LSM1: variants seen among roughly 807,000 people sequenced by gnomAD.
LSM1 encodes LSM1 homolog, mRNA degradation associated.
Under a neutral mutation model 18.0 loss-of-function variants are expected in LSM1, and 13 were observed. That is an observed-to-expected ratio of 0.72 (90% CI 0.47 to 1.15). LSM1 has a LOEUF of 1.15. LSM1 is among the 50% of genes most tolerant of loss of function. The pLI is 0.00. For missense variants in LSM1, 152 were observed against 157.7 expected (o/e 0.96, Z 0.19); for synonymous variants, 46 against 56.0 (o/e 0.82, Z 0.80).
At chr8:38,172,955 G>C (rs1803055440) in intron 1 of LSM1, among the ~76,000 whole-genome samples, 1 of 151,976 alleles carries the variant, frequency 6.6e-6, no homozygotes, top group Non-Finnish European at 1.5e-5. Context: ...TGTTGGAGGA[G>C]GACAAATAAA....
At chr8:38,170,363 C>A (rs1259402308) in intron 2 of LSM1, among the ~76,000 whole-genome samples, 2 of 152,154 alleles carry the variant, frequency 1.3e-5, no homozygotes, top group African/African-American at 4.8e-5. Context: ...CTGGGGAAGG[C>A]TAAAATTTCA....
At position 38,173,408 on chromosome 8, in the gene LSM1, A is replaced by AG. The variant is rs540881286; in HGVS notation, c.47-1376dup. Among the ~76,000 whole-genome samples the AG allele has an allele frequency of 1.6e-3, 245 of 152,142 alleles. 1 individual carries two copies. The highest frequency in any genetic ancestry group is 6.8e-3 in the Middle Eastern group (2 of 294). The stretch of plus-strand genomic sequence containing the variant: ...GGAGAAGGAAATCTGTAAATTAAAG[A>AG]GGAGGAAAAAAGGGCTATACATCCA... On this transcript the variant is annotated intron_variant, in intron 1 of 3. Coordinates refer to ENST00000311351, the MANE Select transcript of LSM1 (RefSeq NM_014462.3).
intron 2 of LSM1, 80 bp from the exon 3 acceptor site, chr8:38,169,997 T>C (rs1238440267): frequency 3.0e-6 from 2 of 667,456 alleles, no homozygotes; most frequent in East Asian, 2.7e-5. Flanking sequence ...ATCAGTTATT[T>C]TGAAAAGATT....
chr8:38,174,275 T>C (rs1803079228), intron 1 of LSM1, among the ~76,000 whole-genome samples: 1 of 151,170 alleles, frequency 6.6e-6, no homozygotes, highest in African/African-American at 2.4e-5. Context: ...AACGCAGGGG[T>C]TGGGGAGACA....
At chr8:38,176,560 G>C, upstream of LSM1, 1 of 579,046 alleles carries the variant, frequency 1.7e-6, no homozygotes, top group South Asian at 2.3e-5. Flanking sequence ...TACCGTTGGG[G>C]GACACCCTTT....
intron 3 of LSM1, 70 bp downstream of exon 3, chr8:38,169,731 GA>G: frequency 1.2e-6 from 1 of 865,344 alleles, no homozygotes. Flanking sequence ...ATTCTCTTTT[GA>G]AAAGACAAAA....
intron 1 of LSM1, chr8:38,175,725 C>T (rs1004808163): frequency 4.0e-5 from 6 of 151,896 alleles, no homozygotes; most frequent in African/African-American, 1.5e-4. Context: ...AATACCATGT[C>T]TAACAGTGGT....
chr8:38,176,303 G>A lies in LSM1; in HGVS notation c.18C>T (p.Gly6=). The A allele has an allele frequency of 6.2e-7, 1 of 1,613,428 alleles. No homozygotes were observed. The highest frequency in any genetic ancestry group is 8.5e-7 in the Non-Finnish European group (1 of 1,179,734). MNYMP[G]TASLIEDIDK... ...CAATGTCCTCGATGAGGCTGGCGGT[G>A]CCAGGCATATAGTTCATTTTGAACT... The change falls in exon 1 of 4, where the codon GGC becomes GGT. Residue 6 remains glycine, a synonymous_variant. Transcript: ENST00000311351.
At chr8:38,172,323 T>C (rs1231720970) in intron 1 of LSM1, among the ~76,000 whole-genome samples, 1 of 138,100 alleles carries the variant, frequency 7.2e-6, no homozygotes, top group Non-Finnish European at 1.5e-5. Context: ...TTTCCTTTTT[T>C]CTTTTTTTTT....
At chr8:38,168,972 T>G (rs570818994) in intron 3 of LSM1, among the ~76,000 whole-genome samples, 1 of 152,244 alleles carries the variant, frequency 6.6e-6, no homozygotes, top group Non-Finnish European at 1.5e-5. Flanking sequence ...CAAACTGATT[T>G]AAGACATGGC....
intron 1 of LSM1, 31 bp downstream of exon 1, chr8:38,176,244 G>A (rs369540202): frequency 1.1e-5 from 17 of 1,608,358 alleles, no homozygotes; most frequent in Non-Finnish European, 1.4e-5. Flanking sequence ...GTCTAACCCC[G>A]GGCTCCACCG....
chr8:38,173,234 G>C (rs1454256232), intron 1 of LSM1, among the ~76,000 whole-genome samples: 2 of 152,114 alleles, frequency 1.3e-5, no homozygotes, highest in African/African-American at 4.8e-5. Flanking sequence ...ACTCTTCCTT[G>C]CGCTATAAAT....
chr8:38,168,112 C>T (rs1042825508), intron 3 of LSM1, among the ~76,000 whole-genome samples: 1 of 151,920 alleles, frequency 6.6e-6, no homozygotes, highest in South Asian at 2.1e-4. Context: ...CAGGCGCCCG[C>T]CACCACACCC....
chr8:38,170,983 C>A, intron 2 of LSM1: 1 of 430,772 alleles, frequency 2.3e-6, no homozygotes, highest in Non-Finnish European at 4.7e-6. Context: ...TCGCAGATAT[C>A]CAATAAATGT....
intron 3 of LSM1, among the ~76,000 whole-genome samples, chr8:38,169,339 C>A (rs1802987528): frequency 6.6e-6 from 1 of 152,148 alleles, no homozygotes; most frequent in Admixed American, 6.5e-5. Flanking sequence ...GCTAAGGATC[C>A]AAGTAAGACT....
Position 38,163,700 on chromosome 8 carries a change from A to AATGGAAAG in LSM1, c.364_371dup (p.Pro125PhefsTer29), listed in dbSNP as rs1802879087. 6.2e-7 allele frequency: 1 copy of AATGGAAAG among 1,614,190 alleles called. No individual in the cohort carries two copies. Among genetic ancestry groups the AATGGAAAG allele is most frequent in the Admixed American group, 1.7e-5 (1 of 60,016 alleles). On this transcript the variant is annotated frameshift_variant, in exon 4 of 4. Coordinates refer to ENST00000311351, the MANE Select transcript of LSM1 (RefSeq NM_014462.3). LOFTEE classifies it high-confidence loss of function. ...ACTCATCAAGAGTATCTGCTCGAGG[A>AATGGAAAG]ATGGAAAGACCTCGGTCCTTCAGGG...
At chr8:38,164,014 C>G (rs1802885330) in intron 3 of LSM1, among the ~76,000 whole-genome samples, 174 bp from the exon 4 acceptor site, 1 of 152,126 alleles carries the variant, frequency 6.6e-6, no homozygotes, top group South Asian at 2.1e-4. Flanking sequence ...CCTGACAACA[C>G]TACTATAGGA....
At chr8:38,170,581 T>C (rs925734463) in intron 2 of LSM1, among the ~76,000 whole-genome samples, 40 of 152,310 alleles carry the variant, frequency 2.6e-4, no homozygotes, top group Admixed American at 2.4e-3. Context: ...ATCAAAACTT[T>C]TGTTTTCTGG....
rs1468799164 is a variant in LSM1 at position 38,171,958 on chromosome 8, T to G, written c.115+7A>C. On this transcript the variant is annotated splice_region_variant and intron_variant, in intron 2 of 3. Coordinates refer to ENST00000311351, the MANE Select transcript of LSM1 (RefSeq NM_014462.3). ...AGTATAAGAGATGTCCATAAATTAA[T>G]ACATACCAAATTGATCAATGCTTCT... 6.3e-7 allele frequency: 1 copy of G among 1,592,314 alleles called. No homozygotes were observed. The highest frequency in any genetic ancestry group is 1.1e-5 in the South Asian group (1 of 89,560).
Sources: gnomAD v4.1 joint callset for allele counts (sites outside exome capture counted in the v4.1 genomes callset) on GRCh38, gnomAD v4.1.1 for gene constraint, MANE v1.5 for transcripts, NCBI Gene and HGNC (gene_info 2026-07-23, HGNC 2026-07-21) for gene names.